Variants in DNAH8 observed in about 807,000 individuals in gnomAD.
DNAH8 encodes dynein axonemal heavy chain 8.
In DNAH8, 382 loss-of-function variants were observed where a neutral mutation model predicts 562.1. The ratio of observed to expected loss-of-function variants is 0.68; its 90% CI spans 0.63 to 0.74. The LOEUF (loss-of-function observed/expected upper bound fraction) is 0.74. DNAH8 is among the 30% of genes least tolerant of loss of function. The pLI is 0.00. For missense variants in DNAH8, 5,203 were observed against 5,620.4 expected (o/e 0.93, Z 2.37); for synonymous variants, 1,881 against 1,919.4 (o/e 0.98, Z 0.52).
Position 38,738,003 on chromosome 6 carries a change from T to A in DNAH8, c.1116+31T>A. ...TTGACTCAAACAATTGCATCTGGAC[T>A]AGTAGTTTTCATGTGCATCCTAGCC... On this transcript the variant is annotated intron_variant, in intron 7 of 92. Coordinates refer to ENST00000327475, the MANE Select transcript of DNAH8 (RefSeq NM_001206927.2). The A allele has an allele frequency of 1.9e-6, 3 of 1,600,772 alleles. No individual in the cohort carries two copies. In the South Asian group the frequency reaches 3.3e-5, roughly 18 times the overall value.
At chr6:38,822,815 A>G in intron 26 of DNAH8, 23 bp from the exon 27 acceptor site, 4 of 1,491,856 alleles carry the variant, frequency 2.7e-6, no homozygotes, top group Non-Finnish European at 2.7e-6. Flanking sequence ...AGTTATTTAT[A>G]GTGTAAAAAC....
intron 88 of DNAH8, among the ~76,000 whole-genome samples, chr6:39,007,248 G>C (rs375781536): frequency 6.6e-6 from 1 of 152,146 alleles, no homozygotes; most frequent in Admixed American, 6.5e-5. Context: ...TAATTCTTAG[G>C]TGTAGAATTG....
At position 38,727,492 on chromosome 6, in the gene DNAH8, C is replaced by T. The variant is rs541069915; in HGVS notation, c.526-2410C>T. Among the ~76,000 whole-genome samples the T allele has an allele frequency of 2.6e-5, 4 of 152,320 alleles. No individual in the cohort carries two copies. The South Asian group carries it at 8.3e-4, about 32-fold the overall frequency. On this transcript the variant is annotated intron_variant, in intron 3 of 92. Coordinates refer to ENST00000327475, the MANE Select transcript of DNAH8 (RefSeq NM_001206927.2). ...CCCATAGTTATAGCTCCCTGAGCAG[C>T]CTGCATCTCCAGTTCTCAACCTGGC...
chr6:39,004,847 G>T (rs1765706613), intron 88 of DNAH8, among the ~76,000 whole-genome samples: 2 of 152,160 alleles, frequency 1.3e-5, no homozygotes, highest in Non-Finnish European at 2.9e-5. Context: ...CATCCATGTT[G>T]TAGCGTATAT....
chr6:38,765,719 C>T (rs1426186053), intron 11 of DNAH8, among the ~76,000 whole-genome samples: 1 of 152,024 alleles, frequency 6.6e-6, no homozygotes, highest in Non-Finnish European at 1.5e-5. Flanking sequence ...TAAAAATATA[C>T]TACAGTATAA....
chr6:38,868,059 C>G lies in DNAH8; in HGVS notation c.6694-3C>G, dbSNP rs1165538910. On this transcript the variant is annotated splice_region_variant and splice_polypyrimidine_tract_variant and intron_variant, in intron 47 of 92. Transcript: ENST00000327475. The stretch of plus-strand genomic sequence containing the variant: ...ATCTTTTTGCCCTCTTCTCCCATCT[C>G]AGGTTCATTATGACTTTGGATTGAG... The G allele has an allele frequency of 6.2e-7, 1 of 1,606,090 alleles. No homozygotes were observed. The highest frequency in any genetic ancestry group is 2.2e-5 in the East Asian group (1 of 44,822).
In DNAH8 at chr6:38,990,378, T is replaced by C. The variant is rs527337913; in HGVS notation, c.13214+206T>C. 3.9e-5 allele frequency among the ~76,000 whole-genome samples: 6 copies of C among 152,314 alleles called. No individual in the cohort carries two copies. The South Asian group carries it at 1.2e-3, about 32-fold the overall frequency. ...TCACTAAATCCTGATGCTCCAGTGT[T>C]TATGACAACGTTAAGCTCTAATTTA... On this transcript the variant is annotated intron_variant, in intron 88 of 92. Coordinates refer to ENST00000327475, the MANE Select transcript of DNAH8 (RefSeq NM_001206927.2).
At chr6:38,997,541 A>G (rs1489011357) in intron 88 of DNAH8, among the ~76,000 whole-genome samples, 2 of 152,166 alleles carry the variant, frequency 1.3e-5, no homozygotes, top group Non-Finnish European at 2.9e-5. Context: ...GAGCTGGGAA[A>G]GAACATGGGA....
chr6:38,816,449 G>A (rs1208819682), intron 26 of DNAH8, among the ~76,000 whole-genome samples: 3 of 152,108 alleles, frequency 2.0e-5, no homozygotes, highest in Non-Finnish European at 4.4e-5. Flanking sequence ...AATATTCCAT[G>A]GTGTATATGT....
intron 88 of DNAH8, among the ~76,000 whole-genome samples, chr6:38,994,722 A>T (rs1765024257): frequency 7.0e-6 from 1 of 142,694 alleles, no homozygotes; most frequent in Non-Finnish European, 1.5e-5. Context: ...ATCTCGGCTC[A>T]CTGCAACCAC....
At chr6:38,903,227 G>A (rs1399210373) in intron 62 of DNAH8, among the ~76,000 whole-genome samples, 1 of 152,084 alleles carries the variant, frequency 6.6e-6, no homozygotes, top group Non-Finnish European at 1.5e-5. Flanking sequence ...GGTTTGTTTT[G>A]GCTCAAGGTT....
At chr6:38,727,571 G>A (rs1005964269) in intron 3 of DNAH8, among the ~76,000 whole-genome samples, 25 of 152,172 alleles carry the variant, frequency 1.6e-4, no homozygotes, top group Admixed American at 5.2e-4. Flanking sequence ...GGGGGATCAC[G>A]GTTCTCCGTT....
intron 71 of DNAH8, 129 bp downstream of exon 71, chr6:38,921,635 C>A: frequency 9.8e-7 from 1 of 1,023,076 alleles, no homozygotes; most frequent in Non-Finnish European, 1.4e-6. Flanking sequence ...TGCTTTGGAT[C>A]TTTGGTGCTC....
intron 21 of DNAH8, among the ~76,000 whole-genome samples, chr6:38,797,928 G>C (rs940338054): frequency 6.6e-6 from 1 of 151,886 alleles, no homozygotes. Flanking sequence ...CCAATTCTTC[G>C]GCTTGGCTAA....
At chr6:38,917,527 A>G in intron 69 of DNAH8, 121 bp downstream of exon 69, 12 of 813,458 alleles carry the variant, frequency 1.5e-5, no homozygotes, top group South Asian at 5.8e-5. Context: ...TGAAAAGTTT[A>G]TCTTAAACTC....
intron 88 of DNAH8, among the ~76,000 whole-genome samples, chr6:38,994,649 CTTTTTTTTTTT>C (rs5875650): frequency 1.7e-5 from 2 of 119,736 alleles, no homozygotes; most frequent in Admixed American, 8.7e-5. Context: ...CTTTTTTTTT[CTTTTTTTTTTT>C]TTTTTGAGCC....
intron 88 of DNAH8, among the ~76,000 whole-genome samples, chr6:39,002,443 C>G (rs1765549897): frequency 6.6e-6 from 1 of 152,174 alleles, no homozygotes; most frequent in Non-Finnish European, 1.5e-5. Flanking sequence ...ACTTTCTTCT[C>G]AGACTTATTT....
At chr6:38,823,375 T>C (rs1773045738) in intron 27 of DNAH8, among the ~76,000 whole-genome samples, 187 bp from the exon 28 acceptor site, 1 of 152,340 alleles carries the variant, frequency 6.6e-6, no homozygotes, top group African/African-American at 2.4e-5. Context: ...TTTAGAACTC[T>C]GAATAACCAT....
intron 82 of DNAH8, among the ~76,000 whole-genome samples, chr6:38,959,852 C>G (rs764050176): frequency 6.6e-6 from 1 of 151,820 alleles, no homozygotes; most frequent in Non-Finnish European, 1.5e-5. Flanking sequence ...CACCAAACTA[C>G]CTGACTTCAA....
Sources: allele counts gnomAD v4.1 joint callset (sites outside exome capture counted in the v4.1 genomes callset), GRCh38; gene constraint gnomAD v4.1.1; transcripts MANE v1.5; gene names NCBI Gene and HGNC (gene_info 2026-07-23, HGNC 2026-07-21).